GPHN: variants seen among roughly 807,000 people sequenced by gnomAD.
GPHN encodes the protein gephyrin.
Under a neutral mutation model 95.5 loss-of-function variants are expected in GPHN, and 17 were observed. That is an observed-to-expected ratio of 0.18 (90% CI 0.12 to 0.27). GPHN has a LOEUF of 0.27. GPHN is among the 10% of genes least tolerant of loss of function. The probability of loss-of-function intolerance (pLI) is 1.00; values close to 1 mark genes in which losing one functional copy is unlikely to be tolerated. For synonymous variants in GPHN, 320 were observed against 322.5 expected, an observed-to-expected ratio of 0.99 and a Z score of 0.08; for missense variants, 660 against 978.1, an observed-to-expected ratio of 0.67 and a Z score of 4.34.
At chr14:66,786,601 A>G (rs1008647182) in intron 3 of GPHN, among the ~76,000 whole-genome samples, 1 of 152,128 alleles carries the variant, frequency 6.6e-6, no homozygotes, top group Admixed American at 6.5e-5. Context: ...GAAAACCAGT[A>G]TCTCTTACGA....
At chr14:66,706,918 C>A (rs1482861657) in intron 2 of GPHN, among the ~76,000 whole-genome samples, 1 of 152,004 alleles carries the variant, frequency 6.6e-6, no homozygotes, top group Non-Finnish European at 1.5e-5. Flanking sequence ...ACACATCTGA[C>A]AAAGGTCTAA....
At chr14:67,047,276 A>G (rs1309993712) in intron 10 of GPHN, among the ~76,000 whole-genome samples, 1 of 148,138 alleles carries the variant, frequency 6.8e-6, no homozygotes, top group Non-Finnish European at 1.5e-5. Flanking sequence ...TGTTTCTGCT[A>G]TGTTCTCTCC....
intron 19 of GPHN, among the ~76,000 whole-genome samples, chr14:67,164,332 T>G (rs1288540753): frequency 6.6e-6 from 1 of 151,926 alleles, no homozygotes; most frequent in Non-Finnish European, 1.5e-5. Flanking sequence ...TTATTTATTT[T>G]GATATTTCAA....
At chr14:67,057,851 A>G (rs932353489) in intron 10 of GPHN, among the ~76,000 whole-genome samples, 4 of 152,226 alleles carry the variant, frequency 2.6e-5, no homozygotes, top group African/African-American at 4.8e-5. Context: ...TTGAATGGGT[A>G]TGTGTATCAC....
chr14:67,075,426 G>T (rs549647207), intron 11 of GPHN, among the ~76,000 whole-genome samples: 1 of 152,226 alleles, frequency 6.6e-6, no homozygotes, highest in Admixed American at 6.5e-5. Context: ...TTTCATGCAT[G>T]CTAATACAAC....
the GPHN span, chr14:67,589,479 T>C: frequency 1.0e-6 from 1 of 985,138 alleles, no homozygotes; most frequent in Non-Finnish European, 1.2e-6. Context: ...CTTGACACCA[T>C]GACTGAAATA....
chr14:67,057,225 C>T (rs990880845), intron 10 of GPHN, among the ~76,000 whole-genome samples: 4 of 152,220 alleles, frequency 2.6e-5, no homozygotes, highest in East Asian at 1.9e-4. Context: ...CATATTGTCA[C>T]CTCTCACCTA....
At chr14:66,516,406 C>T (rs1041772340) in intron 1 of GPHN, among the ~76,000 whole-genome samples, 1 of 152,140 alleles carries the variant, frequency 6.6e-6, no homozygotes, top group Non-Finnish European at 1.5e-5. Context: ...TCAGGTTTTA[C>T]CCACTTGCCC....
chr14:66,570,719 T>C (rs922799216), intron 1 of GPHN, among the ~76,000 whole-genome samples: 19 of 152,224 alleles, frequency 1.2e-4, no homozygotes, highest in Non-Finnish European at 8.8e-5. Context: ...GCTGTACTAA[T>C]TCACATTCCC....
intron 8 of GPHN, among the ~76,000 whole-genome samples, chr14:66,946,658 C>G (rs1431585757): frequency 1.3e-5 from 2 of 152,120 alleles, no homozygotes; most frequent in African/African-American, 4.8e-5. Flanking sequence ...CCACCTGGGC[C>G]TCCCAAAGTG....
the GPHN span, among the ~76,000 whole-genome samples, chr14:67,496,859 G>A: frequency 1.1e-4 from 16 of 150,718 alleles, no homozygotes; most frequent in South Asian, 2.1e-4. Flanking sequence ...GTACAGTGGC[G>A]CAATCTCAGC....
chr14:67,158,266 C>T (rs990032113), intron 18 of GPHN, among the ~76,000 whole-genome samples: 1 of 146,950 alleles, frequency 6.8e-6, no homozygotes, highest in Non-Finnish European at 1.5e-5. Flanking sequence ...AAGATCGCAC[C>T]GTTGGACTCC....
the GPHN span, among the ~76,000 whole-genome samples, chr14:67,283,188 C>T: frequency 2.6e-5 from 4 of 151,918 alleles, no homozygotes; most frequent in Admixed American, 2.0e-4. Flanking sequence ...GGAAGAAAAC[C>T]GGGATGAATA....
At chr14:67,172,009 C>A (rs2082629473) in intron 21 of GPHN, among the ~76,000 whole-genome samples, 1 of 152,170 alleles carries the variant, frequency 6.6e-6, no homozygotes. Flanking sequence ...TATGCTCCCC[C>A]CAGTAAAGGA....
At chr14:66,796,340 C>A (rs992179507) in intron 3 of GPHN, among the ~76,000 whole-genome samples, 5 of 151,550 alleles carry the variant, frequency 3.3e-5, no homozygotes, top group Non-Finnish European at 5.9e-5. Flanking sequence ...TCAGTATATA[C>A]CCACCAGTAT....
At chr14:67,569,159 G>A in the GPHN span, 5 of 1,612,702 alleles carry the variant, frequency 3.1e-6, no homozygotes, top group Non-Finnish European at 4.2e-6. Context: ...CTATGCTGTG[G>A]CCACATCGGG....
intron 10 of GPHN, among the ~76,000 whole-genome samples, chr14:67,026,705 C>T (rs546507590): frequency 2.6e-5 from 4 of 152,076 alleles, no homozygotes; most frequent in South Asian, 2.1e-4. Flanking sequence ...TGCAGTGGCG[C>T]GATCTCGGCT....
chr14:67,587,441 G>A, the GPHN span: 1 of 609,778 alleles, frequency 1.6e-6, no homozygotes, highest in South Asian at 2.0e-5. Flanking sequence ...CAGACCCAGT[G>A]TTAAAACCAT....
the GPHN span, chr14:67,303,668 G>A: frequency 1.8e-6 from 2 of 1,101,208 alleles, no homozygotes; most frequent in South Asian, 2.5e-5. Flanking sequence ...ACTGTTTACT[G>A]TTACAGAAAT....
Sources: gnomAD v4.1 joint callset for allele counts (sites outside exome capture counted in the v4.1 genomes callset) on GRCh38, gnomAD v4.1.1 for gene constraint, MANE v1.5 for transcripts, NCBI Gene and HGNC (gene_info 2026-07-23, HGNC 2026-07-21) for gene names.